Variants in ZFX observed in about 807,000 individuals in gnomAD.
The protein encoded by ZFX is zinc finger protein X-linked, also known as zinc finger X-chromosomal protein.
For synonymous variants in ZFX, 196 were observed against 226.8 expected (o/e 0.86, Z 1.22); for missense variants, 362 against 628.3 (o/e 0.58, Z 4.53).
rs774561944 is a variant in ZFX, at chrX:24,207,468, T to C, written c.789T>C (p.Asp263=). Residue 263 remains aspartate, a synonymous_variant, in exon 6 of 10, where the codon GAT becomes GAC. Coordinates refer to ENST00000304543, the MANE Select transcript of ZFX (RefSeq NM_003410.4). ...TTTTTAAAGCTGACCCTGGAGAAGATGACTTAGGTAAGAAGAAGTGTTTAG... is the reference window on the plus strand; with the variant it reads ...TTTTTAAAGCTGACCCTGGAGAAGACGACTTAGGTAAGAAGAAGTGTTTAG... ...VYIFKADPGE[D]DLGGTVDIVE... 14 of 1,207,411 alleles carry C rather than the reference T, an allele frequency of 1.2e-5. No homozygotes were observed. In the South Asian group the frequency reaches 2.5e-4, roughly 22 times the overall value.
chrX:24,153,649 ACT>A (rs1428248612), intron 3 of ZFX, among the ~76,000 whole-genome samples: 3 of 110,509 alleles, frequency 2.7e-5, no homozygotes, highest in Non-Finnish European at 5.7e-5. Context: ...TGTTTCAGAA[ACT>A]CTCTGTGCCT....
At chrX:24,178,434 G>A (rs1165823747) in intron 4 of ZFX, among the ~76,000 whole-genome samples, 11 of 107,627 alleles carry the variant, frequency 1.0e-4, no homozygotes, top group African/African-American at 3.1e-4. Context: ...GACTACAGGC[G>A]CTCGCCACCA....
At chrX:24,187,911 C>T (rs931973245) in intron 5 of ZFX, among the ~76,000 whole-genome samples, 2 of 111,546 alleles carry the variant, frequency 1.8e-5, no homozygotes, top group African/African-American at 3.3e-5. Context: ...CGGTGACTCA[C>T]GCCTGCAATC....
chrX:24,174,851 C>T (rs1406140517), intron 4 of ZFX, among the ~76,000 whole-genome samples: 6 of 111,119 alleles, frequency 5.4e-5, no homozygotes, highest in Admixed American at 3.9e-4. Flanking sequence ...GTACCTTGGA[C>T]TACAGATGGG....
At chrX:24,199,729 C>T (rs1937163422) in intron 5 of ZFX, among the ~76,000 whole-genome samples, 1 of 110,013 alleles carries the variant, frequency 9.1e-6, no homozygotes, top group Non-Finnish European at 1.9e-5. Flanking sequence ...ACCAGCCTGA[C>T]CAACATGGTG....
intron 9 of ZFX, among the ~76,000 whole-genome samples, chrX:24,209,772 C>T (rs1329293166): frequency 1.8e-5 from 2 of 110,436 alleles, no homozygotes; most frequent in African/African-American, 3.3e-5. Context: ...GGCGGGTTTT[C>T]AGCATGTTAT....
intron 3 of ZFX, among the ~76,000 whole-genome samples, chrX:24,171,868 C>T (rs183695258): frequency 6.1e-4 from 66 of 107,856 alleles, no homozygotes; most frequent in African/African-American, 2.1e-3. Flanking sequence ...TGACTTTTCT[C>T]AGCTCTTATG....
At chrX:24,177,602 T>G (rs1935266889) in intron 4 of ZFX, 14 of 532,799 alleles carry the variant, frequency 2.6e-5, no homozygotes, top group Non-Finnish European at 2.7e-5. Context: ...CTCCAGAGCC[T>G]CCTCAACCCA....
At chrX:24,182,039 A>G (rs923049588) in intron 5 of ZFX, among the ~76,000 whole-genome samples, 1 of 111,031 alleles carries the variant, frequency 9.0e-6, no homozygotes, top group Admixed American at 9.7e-5. Flanking sequence ...GATGATAGAT[A>G]AAAGAGGCTA....
At chrX:24,181,102 G>A (rs1331781294) in intron 5 of ZFX, among the ~76,000 whole-genome samples, 1 of 112,301 alleles carries the variant, frequency 8.9e-6, no homozygotes, top group Non-Finnish European at 1.9e-5. Flanking sequence ...TTTTCATACA[G>A]GAATTTAATA....
Position 24,212,076 on chromosome X carries a change from C to T in ZFX, c.*700C>T, listed in dbSNP as rs1242534604. 1 of 112,384 alleles carries T rather than the reference C, an allele frequency of 8.9e-6. No individual in the cohort carries two copies. Among genetic ancestry groups the T allele is most frequent in the African/African-American group, 3.2e-5 (1 of 30,884 alleles). The allele number at this position is 112,384 out of a possible 1,213,427, so 9.3% of individuals were successfully genotyped here. ...ACCTTATTGAAAAACTGTGCTTGCT[C>T]ATGTTGTATTTTGATTATTCTGTCT... On this transcript the variant is annotated 3_prime_UTR_variant, in exon 10 of 10. Transcript: ENST00000304543.
At chrX:24,192,401 G>A (rs754311644) in intron 5 of ZFX, among the ~76,000 whole-genome samples, 181 of 111,799 alleles carry the variant, frequency 1.6e-3, no homozygotes, top group Middle Eastern at 9.1e-3. Flanking sequence ...GTGTCTGGAA[G>A]GCTGGGATTT....
intron 5 of ZFX, among the ~76,000 whole-genome samples, chrX:24,194,246 C>G (rs1054278952): frequency 9.0e-6 from 1 of 111,168 alleles, no homozygotes; most frequent in East Asian, 2.8e-4. Flanking sequence ...TTTGCCTTAC[C>G]TACCCTTTGT....
At chrX:24,198,111 A>C (rs1937038769) in intron 5 of ZFX, among the ~76,000 whole-genome samples, 1 of 112,590 alleles carries the variant, frequency 8.9e-6, no homozygotes. Context: ...CAAAATGTTA[A>C]CTTCCACATC....
At chrX:24,195,312 G>T (rs1205103911) in intron 5 of ZFX, among the ~76,000 whole-genome samples, 1 of 108,488 alleles carries the variant, frequency 9.2e-6, no homozygotes, top group Non-Finnish European at 1.9e-5. Context: ...CCCTGCCTCA[G>T]TCTCCTGAGT....
Position 24,211,470 on chromosome X carries a change from A to G in ZFX, c.*94A>G, listed in dbSNP as rs757000001. The G allele has an allele frequency of 1.0e-5, 10 of 965,333 alleles. No individual in the cohort carries two copies. The South Asian group carries it at 2.3e-4, about 23-fold the overall frequency. The allele number at this position is 965,333 out of a possible 1,213,427, so 79.6% of individuals were successfully genotyped here. On this transcript the variant is annotated 3_prime_UTR_variant, in exon 10 of 10. Transcript: ENST00000304543. The stretch of plus-strand genomic sequence containing the variant: ...GTCTCATTCACATACAATACTGTAT[A>G]TTGATTTATGCTGTGTACAAATAGA...
intron 3 of ZFX, among the ~76,000 whole-genome samples, chrX:24,163,364 G>GTT (rs66467960): frequency 0.11 from 2,107 of 19,038 alleles, 792 homozygotes; most frequent in Non-Finnish European, 0.15. Context: ...TTTTTGTTAG[G>GTT]TTTTTTTTTT....
chrX:24,184,984 T>A (rs1441950907), intron 5 of ZFX, among the ~76,000 whole-genome samples: 1 of 112,039 alleles, frequency 8.9e-6, no homozygotes, highest in Non-Finnish European at 1.9e-5. Context: ...GAAGTCTCGC[T>A]CCCTTACCCA....
chrX:24,183,430 A>G (rs1012667157), intron 5 of ZFX, among the ~76,000 whole-genome samples: 1 of 111,041 alleles, frequency 9.0e-6, no homozygotes, highest in South Asian at 3.8e-4. Context: ...AGGTGATCCC[A>G]CCCGCCTCGG....
Sources: gnomAD v4.1 joint callset for allele counts (sites outside exome capture counted in the v4.1 genomes callset) on GRCh38, gnomAD v4.1.1 for gene constraint, MANE v1.5 for transcripts, NCBI Gene and HGNC (gene_info 2026-07-23, HGNC 2026-07-21) for gene names.